Variants in CHEK1 observed in about 807,000 individuals in gnomAD.
CHEK1 encodes checkpoint kinase 1.
Under a neutral mutation model 60.2 loss-of-function variants are expected in CHEK1, and 32 were observed. That is an observed-to-expected ratio of 0.53 (90% CI 0.40 to 0.71). The LOEUF is 0.71. Ranked by LOEUF, CHEK1 falls within the 30% of genes least tolerant of loss-of-function variation. The probability of loss-of-function intolerance (pLI) is 0.00; values close to 1 mark genes in which losing one functional copy is unlikely to be tolerated. For missense variants in CHEK1, 399 were observed against 564.6 expected (o/e 0.71, Z 2.97); for synonymous variants, 179 against 187.2 (o/e 0.96, Z 0.36).
downstream of CHEK1, chr11:125,677,714 C>G: frequency 1.3e-6 from 2 of 1,557,006 alleles, no homozygotes; most frequent in Non-Finnish European, 8.7e-7. Flanking sequence ...TTCTGCACTC[C>G]TTCCCTAAAA....
rs376137488 is a variant in CHEK1, at chr11:125,653,713, C to T, written c.1234-33C>T. 1.0e-5 allele frequency: 11 copies of T among 1,058,390 alleles called. No individual in the cohort carries two copies. The South Asian group carries it at 1.4e-4, about 13-fold the overall frequency. The allele number at this position is 1,058,390 out of a possible 1,614,324, so 65.6% of individuals were successfully genotyped here. ...GTTTACTAGTTTATTATCTACTCAC[C>T]CATGTGGCTTAACCTTATTTTTGTT... On this transcript the variant is annotated intron_variant, in intron 11 of 12. Transcript: ENST00000438015. This position sits in a 1 kb window ranked among gnomAD's most constrained non-coding sequence, Gnocchi z 4.3.
chr11:125,671,493 T>A (rs1220019341), intron 13 of CHEK1: 1 of 152,224 alleles, frequency 6.6e-6, no homozygotes, highest in East Asian at 1.9e-4. Flanking sequence ...AGTGAAGAGC[T>A]TGTTAGCAAT....
chr11:125,668,452 T>A (rs1468868784), intron 13 of CHEK1, among the ~76,000 whole-genome samples: 1 of 152,030 alleles, frequency 6.6e-6, no homozygotes, highest in Non-Finnish European at 1.5e-5. Flanking sequence ...ATTTTTGCCA[T>A]TTTTTTTGTT....
intron 13 of CHEK1, among the ~76,000 whole-genome samples, chr11:125,664,460 C>T (rs928710233): frequency 6.6e-6 from 1 of 152,070 alleles, no homozygotes; most frequent in African/African-American, 2.4e-5. Flanking sequence ...GTCTCGAACT[C>T]CTGACCTCAA....
At chr11:125,664,127 A>G (rs1942058872) in intron 13 of CHEK1, among the ~76,000 whole-genome samples, 1 of 152,096 alleles carries the variant, frequency 6.6e-6, no homozygotes, top group Non-Finnish European at 1.5e-5. Context: ...GAAGTGAGGT[A>G]GTATGATGCC....
intron 8 of CHEK1, among the ~76,000 whole-genome samples, chr11:125,640,001 A>G (rs559475691): frequency 6.6e-6 from 1 of 152,324 alleles, no homozygotes; most frequent in South Asian, 2.1e-4. Context: ...AAATCAAATC[A>G]TAATGGTAAT....
intron 8 of CHEK1, among the ~76,000 whole-genome samples, chr11:125,640,766 C>T (rs1306886240): frequency 1.3e-5 from 2 of 151,880 alleles, no homozygotes; most frequent in Admixed American, 1.3e-4. Context: ...GATGAGGTTT[C>T]GCCATGTTGC....
chr11:125,629,561 A>G lies in CHEK1; in HGVS notation c.424+101A>G, dbSNP rs1940778704. The G allele has an allele frequency of 8.5e-5, 73 of 855,428 alleles. 1 individual carries two copies. In the South Asian group the frequency reaches 1.5e-3, roughly 18 times the overall value. 53.0% of individuals were successfully genotyped at this position (855,428 alleles called of 1,614,324 possible). On this transcript the variant is annotated intron_variant, in intron 5 of 12. Transcript: ENST00000438015. ...TAATATAGCCATACAAGGCAAAATC[A>G]AGTCTTTTTGCATTACTGGAATTTC...
chr11:125,646,097 A>G (rs1941491897), intron 11 of CHEK1, among the ~76,000 whole-genome samples: 2 of 151,112 alleles, frequency 1.3e-5, no homozygotes, highest in African/African-American at 2.4e-5. Flanking sequence ...CACCACGGGG[A>G]AAAAAAAACA....
chr11:125,673,090 T>C (rs565496721), intron 13 of CHEK1, among the ~76,000 whole-genome samples: 1 of 152,268 alleles, frequency 6.6e-6, no homozygotes, highest in African/African-American at 2.4e-5. Flanking sequence ...GACCCTACTA[T>C]GCCGAAACCT....
At chr11:125,626,170 G>A (rs1467164843) in intron 1 of CHEK1, 158 bp downstream of exon 1, 7 of 598,664 alleles carry the variant, frequency 1.2e-5, no homozygotes, top group Non-Finnish European at 2.1e-5. Flanking sequence ...GTGGAGGAAT[G>A]GTACCAGGAG....
rs761805263 is a variant in CHEK1 at position 125,653,755 on chromosome 11, T to A, written c.1243T>A (p.Ser415Thr). The A allele has an allele frequency of 6.4e-7, 1 of 1,567,466 alleles. No individual in the cohort carries two copies. Among genetic ancestry groups the A allele is most frequent in the Non-Finnish European group, 8.7e-7 (1 of 1,144,920 alleles). ...ATTTTTGTTGCCTTAGGTTACTATA[T>A]CAACAACTGATAGGAGAAACAATAA... is the stretch of plus-strand genomic sequence containing the variant. ...KKSCMNQVTI[S>T]TTDRRNNKLI... The change falls in exon 12 of 13, where the codon TCA becomes ACA. Residue 415 changes from serine (S) to threonine (T), a missense_variant. Ser to Thr is a moderately conservative substitution (Grantham distance 58, BLOSUM62 1). This residue lies in a region of CHEK1 where 370 missense variants were observed against 494.8 expected (regional missense o/e 0.75). Coordinates refer to ENST00000438015, the MANE Select transcript of CHEK1 (RefSeq NM_001114122.3). The surrounding 1 kb of genome is among the most constrained non-coding windows in gnomAD (Gnocchi z 4.3).
chr11:125,630,439 T>A (rs1940821551), intron 5 of CHEK1, among the ~76,000 whole-genome samples: 1 of 151,800 alleles, frequency 6.6e-6, no homozygotes, highest in African/African-American at 2.4e-5. Context: ...GGCCCCTGAG[T>A]AGCTGGGATT....
At chr11:125,667,525 C>T (rs1008195734) in intron 13 of CHEK1, among the ~76,000 whole-genome samples, 3 of 152,098 alleles carry the variant, frequency 2.0e-5, no homozygotes, top group African/African-American at 7.2e-5. Context: ...CATGTATGGA[C>T]TCATATCATC....
chr11:125,677,754 C>T (rs772622246), downstream of CHEK1: 2 of 1,604,334 alleles, frequency 1.2e-6, no homozygotes, highest in Non-Finnish European at 1.7e-6. Context: ...TCCCCATTTC[C>T]CACCTGAAGT....
At chr11:125,643,759 C>G (rs1274417652) in intron 8 of CHEK1, 33 bp from the exon 9 acceptor site, 2 of 1,556,258 alleles carry the variant, frequency 1.3e-6, no homozygotes, top group Non-Finnish European at 8.8e-7. Context: ...GCATAGAAGA[C>G]TTGAAAGCAT....
chr11:125,635,003 G>C (rs561061057), intron 6 of CHEK1, among the ~76,000 whole-genome samples: 1 of 151,790 alleles, frequency 6.6e-6, no homozygotes, highest in African/African-American at 2.4e-5. Flanking sequence ...TGTCGCCCAG[G>C]CTGCAGTGCA....
In CHEK1 at chr11:125,644,600, G is replaced by T. The variant is rs748478311; in HGVS notation, c.1190G>T (p.Cys397Phe). 2 of 1,614,140 alleles carry T rather than the reference G, an allele frequency of 1.2e-6. No individual in the cohort carries two copies. The highest frequency in any genetic ancestry group is 1.7e-6 in the Non-Finnish European group (2 of 1,180,020). The change falls in exon 11 of 13, where the codon TGT becomes TTT. Residue 397 changes from cysteine (C) to phenylalanine (F), a missense_variant. Transcript: ENST00000438015. ...DKSYQCLKET[C>F]EKLGYQWKKS... Reference sequence around the variant, plus strand: ...TCTTATCAATGCCTGAAAGAGACTTGTGAGAAGTTGGGCTATCAATGGAAG... The same window carrying T: ...TCTTATCAATGCCTGAAAGAGACTTTTGAGAAGTTGGGCTATCAATGGAAG...
At chr11:125,626,236 C>T (rs1417561225) in intron 1 of CHEK1, 2 of 576,214 alleles carry the variant, frequency 3.5e-6, no homozygotes, top group Non-Finnish European at 6.2e-6. Context: ...GCTAAGAACC[C>T]CAAGGAAGAG....
Sources: allele counts gnomAD v4.1 joint callset (sites outside exome capture counted in the v4.1 genomes callset), GRCh38; gene constraint gnomAD v4.1.1; regional missense constraint gnomAD v4.1.1; non-coding constraint Gnocchi (gnomAD v3.1); transcripts MANE v1.5; gene names NCBI Gene and HGNC (gene_info 2026-07-23, HGNC 2026-07-21).